MYT1L: variants seen among roughly 807,000 people sequenced by gnomAD.
The protein encoded by MYT1L is myelin transcription factor 1-like protein.
MYT1L carries 12 observed loss-of-function variants against 126.7 expected under a neutral mutation model. The ratio of observed to expected loss-of-function variants is 0.09; its 90% CI spans 0.06 to 0.15. The LOEUF is 0.15. MYT1L is among the 10% of genes least tolerant of loss of function. MYT1L has a pLI of 1.00. For synonymous variants in MYT1L, 541 were observed against 604.2 expected (o/e 0.90, Z 1.53); for missense variants, 979 against 1,585.2 (o/e 0.62, Z 6.49).
chr2:2,214,493 A>G (rs2093623768), intron 2 of MYT1L, among the ~76,000 whole-genome samples: 1 of 152,186 alleles, frequency 6.6e-6, no homozygotes, highest in African/African-American at 2.4e-5. Context: ...AAAAGGTGTG[A>G]AGGATCAAAG....
Position 2,300,742 on chromosome 2 carries a change from C to T in MYT1L, c.-520-16239G>A, listed in dbSNP as rs144110789. Among the ~76,000 whole-genome samples the T allele has an allele frequency of 1.8e-3, 276 of 152,286 alleles. 3 individuals are homozygous for T. The highest frequency in any genetic ancestry group is 6.4e-3 in the African/African-American group (268 of 41,558). ...CTCAAATCCACGCGATGATTCTTAG[C>T]GGATTCATAGAGTTGGCTGTGCAAG... is the stretch of plus-strand genomic sequence containing the variant. On this transcript the variant is annotated intron_variant, in intron 1 of 24. Transcript: ENST00000647738.
At chr2:1,872,223 G>A (rs1054655010) in intron 18 of MYT1L, among the ~76,000 whole-genome samples, 1 of 152,140 alleles carries the variant, frequency 6.6e-6, no homozygotes, top group Non-Finnish European at 1.5e-5. Flanking sequence ...GCTATGTTCC[G>A]ACCCCCAGTC....
At chr2:1,881,577 T>C (rs1440963124) in intron 18 of MYT1L, among the ~76,000 whole-genome samples, 2 of 152,132 alleles carry the variant, frequency 1.3e-5, no homozygotes, top group African/African-American at 4.8e-5. Context: ...CATTTGCAGA[T>C]GTGAAAATGT....
chr2:2,063,038 A>G (rs994405141), intron 3 of MYT1L, among the ~76,000 whole-genome samples: 1 of 151,930 alleles, frequency 6.6e-6, no homozygotes. Context: ...CTCCAATCTT[A>G]TTTTCCATCC....
At chr2:2,033,293 A>C (rs1370769842) in intron 4 of MYT1L, among the ~76,000 whole-genome samples, 1 of 125,144 alleles carries the variant, frequency 8.0e-6, no homozygotes. Flanking sequence ...GGCCCAGAGC[A>C]GATTCTAGAA....
chr2:1,898,303 A>C (rs2049884213), intron 14 of MYT1L, among the ~76,000 whole-genome samples: 1 of 152,176 alleles, frequency 6.6e-6, no homozygotes, highest in Admixed American at 6.5e-5. Flanking sequence ...TTCAGGTCCT[A>C]ATCTGTGGCA....
intron 3 of MYT1L, among the ~76,000 whole-genome samples, chr2:2,119,258 T>G (rs2080638616): frequency 1.3e-5 from 2 of 152,226 alleles, no homozygotes; most frequent in Non-Finnish European, 2.9e-5. Flanking sequence ...ACACTTGTAA[T>G]AATATATTGC....
intron 3 of MYT1L, among the ~76,000 whole-genome samples, chr2:2,087,452 C>A (rs2076471793): frequency 1.3e-5 from 2 of 152,266 alleles, no homozygotes; most frequent in South Asian, 4.2e-4. Flanking sequence ...GAGGTCAGCC[C>A]TGAAAGGACA....
At chr2:2,216,331 T>A (rs747938103) in intron 2 of MYT1L, among the ~76,000 whole-genome samples, 2 of 151,794 alleles carry the variant, frequency 1.3e-5, no homozygotes, top group African/African-American at 2.4e-5. Flanking sequence ...CACAGTGGAG[T>A]TAGATAAGAA....
At chr2:1,892,806 G>C (rs2148883603) in intron 14 of MYT1L, among the ~76,000 whole-genome samples, 1 of 152,324 alleles carries the variant, frequency 6.6e-6, no homozygotes, top group Admixed American at 6.5e-5. Flanking sequence ...CTTTCAGCCA[G>C]AGGGGCCCCG....
chr2:2,147,675 A>T (rs1265430809), intron 3 of MYT1L, among the ~76,000 whole-genome samples: 2 of 152,188 alleles, frequency 1.3e-5, no homozygotes, highest in African/African-American at 4.8e-5. Flanking sequence ...GGTGGCTCAG[A>T]GGCTGACAGC....
chr2:1,881,354 T>G (rs1000867810), intron 18 of MYT1L, among the ~76,000 whole-genome samples: 42 of 111,546 alleles, frequency 3.8e-4, no homozygotes, highest in African/African-American at 1.4e-3. Flanking sequence ...GTTTGCAGGT[T>G]CGTGTGTGTG....
At chr2:2,067,773 G>C (rs1027345074) in intron 3 of MYT1L, among the ~76,000 whole-genome samples, 12 of 151,970 alleles carry the variant, frequency 7.9e-5, no homozygotes, top group Non-Finnish European at 1.6e-4. Context: ...GTTATAATCT[G>C]GAAGAAGATA....
intron 2 of MYT1L, among the ~76,000 whole-genome samples, chr2:2,283,704 C>G (rs1214789768): frequency 6.6e-6 from 1 of 152,196 alleles, no homozygotes; most frequent in Non-Finnish European, 1.5e-5. Context: ...GGCAATGCTA[C>G]TCTTTCATGC....
intron 2 of MYT1L, among the ~76,000 whole-genome samples, chr2:2,178,083 TTATA>T (rs2091026010): frequency 6.6e-6 from 1 of 152,116 alleles, no homozygotes. Flanking sequence ...AATATTTATT[TTATA>T]TAAACAGACT....
intron 3 of MYT1L, among the ~76,000 whole-genome samples, chr2:2,117,901 C>T (rs951457430): frequency 2.6e-5 from 4 of 151,854 alleles, no homozygotes; most frequent in Admixed American, 6.6e-5. Flanking sequence ...TCAAATGCTT[C>T]TCATTTTTTT....
intron 12 of MYT1L, among the ~76,000 whole-genome samples, chr2:1,911,368 T>TTTAAAG (rs2149026529): frequency 6.6e-6 from 1 of 152,298 alleles, no homozygotes; most frequent in South Asian, 2.1e-4. Flanking sequence ...AAGAATCACT[T>TTTAAAG]TTTGGCCTCT....
At chr2:2,060,054 A>G (rs1023614286) in intron 3 of MYT1L, among the ~76,000 whole-genome samples, 1 of 152,234 alleles carries the variant, frequency 6.6e-6, no homozygotes, top group Non-Finnish European at 1.5e-5. Flanking sequence ...GCTCAATTTC[A>G]TGAGTGAACC....
At chr2:1,975,318 G>A (rs1333525694) in intron 8 of MYT1L, among the ~76,000 whole-genome samples, 1 of 142,750 alleles carries the variant, frequency 7.0e-6, no homozygotes, top group African/African-American at 2.8e-5. Context: ...GGCAGAGAGG[G>A]TGACGTATGG....
Sources: gnomAD v4.1 joint callset for allele counts (sites outside exome capture counted in the v4.1 genomes callset) on GRCh38, gnomAD v4.1.1 for gene constraint, MANE v1.5 for transcripts, NCBI Gene and HGNC (gene_info 2026-07-23, HGNC 2026-07-21) for gene names.